The following VPS13B variants were observed in gnomAD, a reference collection of about 807,000 sequenced individuals.
VPS13B encodes intermembrane lipid transfer protein VPS13B.
Under a neutral mutation model 426.4 loss-of-function variants are expected in VPS13B, and 285 were observed. That is an observed-to-expected ratio of 0.67 (90% CI 0.61 to 0.74). The LOEUF (loss-of-function observed/expected upper bound fraction) is 0.74, where lower values mean the gene tolerates loss of function less well. Ranked by LOEUF, VPS13B falls within the 30% of genes least tolerant of loss-of-function variation. VPS13B has a pLI of 0.00. For missense variants in VPS13B, 4,537 were observed against 4,782.6 expected (o/e 0.95, Z 1.51); for synonymous variants, 1,676 against 1,676.4 (o/e 1.00, Z 0.01).
At chr8:99,471,977 C>T (rs1414571226) in intron 24 of VPS13B, among the ~76,000 whole-genome samples, 11 of 152,104 alleles carry the variant, frequency 7.2e-5, no homozygotes, top group East Asian at 3.9e-4. Context: ...TATAAAGAAA[C>T]GTTATAAATA....
At chr8:99,037,137 A>G (rs1842779647) in intron 2 of VPS13B, among the ~76,000 whole-genome samples, 1 of 152,114 alleles carries the variant, frequency 6.6e-6, no homozygotes, top group Non-Finnish European at 1.5e-5. Flanking sequence ...TCAATATATA[A>G]TCTTGTGCTA....
chr8:99,832,741 G>A, intron 52 of VPS13B, 89 bp downstream of exon 52: 1 of 1,346,520 alleles, frequency 7.4e-7, no homozygotes. Flanking sequence ...ATGGTCGCAG[G>A]GCTCCCCATA....
At chr8:99,605,438 T>C (rs1827522749) in intron 33 of VPS13B, among the ~76,000 whole-genome samples, 1 of 152,236 alleles carries the variant, frequency 6.6e-6, no homozygotes, top group Non-Finnish European at 1.5e-5. Flanking sequence ...CACTCTATTC[T>C]TCAATCTATA....
chr8:99,809,322 T>C (rs1348914933), intron 43 of VPS13B, 53 bp from the exon 44 acceptor site: 1 of 1,610,924 alleles, frequency 6.2e-7, no homozygotes, highest in African/African-American at 1.3e-5. Flanking sequence ...ATTTTAGGAC[T>C]AGGTTTTTGT....
chr8:99,838,947 G>A (rs574691733), intron 54 of VPS13B, among the ~76,000 whole-genome samples: 12 of 152,240 alleles, frequency 7.9e-5, no homozygotes, highest in South Asian at 6.2e-4. Flanking sequence ...CGGCTGTAGC[G>A]CCAAATGACA....
intron 30 of VPS13B, among the ~76,000 whole-genome samples, chr8:99,527,168 G>A (rs991475697): frequency 4.0e-5 from 6 of 151,518 alleles, no homozygotes; most frequent in African/African-American, 1.5e-4. Flanking sequence ...TGCTCTCGGT[G>A]GATTCTTTTT....
intron 25 of VPS13B, among the ~76,000 whole-genome samples, chr8:99,493,529 C>T (rs759181881): frequency 2.0e-5 from 3 of 151,918 alleles, no homozygotes; most frequent in Non-Finnish European, 4.4e-5. Flanking sequence ...TCACACCTGT[C>T]GTCTGAGCAC....
At chr8:99,744,608 G>A (rs1809967070) in intron 39 of VPS13B, among the ~76,000 whole-genome samples, 1 of 152,092 alleles carries the variant, frequency 6.6e-6, no homozygotes, top group African/African-American at 2.4e-5. Flanking sequence ...AAGAAAATGT[G>A]GCACGTATAC....
intron 43 of VPS13B, among the ~76,000 whole-genome samples, chr8:99,787,487 C>T (rs1812326493): frequency 6.6e-6 from 1 of 152,108 alleles, no homozygotes; most frequent in African/African-American, 2.4e-5. Context: ...TATTCAGCTG[C>T]ACAGAATCAT....
intron 31 of VPS13B, among the ~76,000 whole-genome samples, chr8:99,560,614 G>A (rs556304006): frequency 6.6e-6 from 1 of 152,274 alleles, no homozygotes; most frequent in African/African-American, 2.4e-5. Context: ...GGATGAAGAA[G>A]CACATACAGC....
At chr8:99,718,578 TC>T (rs1220318370) in intron 37 of VPS13B, among the ~76,000 whole-genome samples, 6 of 152,082 alleles carry the variant, frequency 3.9e-5, no homozygotes, top group African/African-American at 1.4e-4. Context: ...TTGACATGAA[TC>T]CAAAAAGCTT....
intron 30 of VPS13B, among the ~76,000 whole-genome samples, chr8:99,541,411 C>T (rs921595297): frequency 3.3e-5 from 5 of 151,924 alleles, no homozygotes; most frequent in African/African-American, 7.2e-5. Flanking sequence ...ATACATGTGC[C>T]GTGGTGGTTT....
At chr8:99,791,341 A>C (rs1812525154) in intron 43 of VPS13B, among the ~76,000 whole-genome samples, 1 of 152,132 alleles carries the variant, frequency 6.6e-6, no homozygotes, top group Admixed American at 6.6e-5. Context: ...CTAAACACTT[A>C]ATTGCTGGTT....
chr8:99,564,181 A>T (rs1011534743), intron 31 of VPS13B, among the ~76,000 whole-genome samples: 1 of 151,668 alleles, frequency 6.6e-6, no homozygotes, highest in African/African-American at 2.4e-5. Flanking sequence ...TAAAACCTTA[A>T]TTTTTTTTTA....
intron 3 of VPS13B, among the ~76,000 whole-genome samples, chr8:99,047,847 A>G (rs1350754116): frequency 6.6e-6 from 1 of 151,908 alleles, no homozygotes; most frequent in Non-Finnish European, 1.5e-5. Context: ...GCCACCATGC[A>G]TGACTAATTT....
chr8:99,239,260 C>G (rs894719568), intron 17 of VPS13B, among the ~76,000 whole-genome samples: 2 of 152,162 alleles, frequency 1.3e-5, no homozygotes, highest in Admixed American at 6.5e-5. Flanking sequence ...CAGGTTATAT[C>G]CAATTCTGTC....
intron 21 of VPS13B, among the ~76,000 whole-genome samples, chr8:99,423,612 G>C (rs1159821285): frequency 1.3e-5 from 2 of 151,976 alleles, no homozygotes; most frequent in African/African-American, 4.8e-5. Flanking sequence ...CTCTGTTGCA[G>C]TTCCATTCTA....
At chr8:99,142,512 C>G (rs1255637055) in intron 12 of VPS13B, among the ~76,000 whole-genome samples, 1 of 152,164 alleles carries the variant, frequency 6.6e-6, no homozygotes, top group Non-Finnish European at 1.5e-5. Flanking sequence ...GTAATACCTA[C>G]TGTTCATTTC....
chr8:99,048,961 G>C (rs973591054), intron 3 of VPS13B, among the ~76,000 whole-genome samples: 1 of 151,972 alleles, frequency 6.6e-6, no homozygotes, highest in Non-Finnish European at 1.5e-5. Flanking sequence ...AGTTTATTTT[G>C]TCTGATATAA....
Sources: allele counts gnomAD v4.1 joint callset (sites outside exome capture counted in the v4.1 genomes callset), GRCh38; gene constraint gnomAD v4.1.1; transcripts MANE v1.5; gene names NCBI Gene and HGNC (gene_info 2026-07-23, HGNC 2026-07-21).